The following WASF1 variants were observed in gnomAD, a reference collection of about 807,000 sequenced individuals.
WASF1 encodes WASP family member 1, also known as actin-binding protein WASF1.
In WASF1, 7 loss-of-function variants were observed where a neutral mutation model predicts 50.5. The ratio of observed to expected loss-of-function variants is 0.14; its 90% CI spans 0.08 to 0.26. The LOEUF (loss-of-function observed/expected upper bound fraction) is 0.26, where lower values mean the gene tolerates loss of function less well. Among genes scored for constraint, WASF1 ranks in the 10% least tolerant of loss-of-function variants. WASF1 has a pLI of 1.00. For missense variants in WASF1, 470 were observed against 694.7 expected (o/e 0.68, Z 3.64); for synonymous variants, 205 against 244.0 (o/e 0.84, Z 1.49).
At position 110,118,347 on chromosome 6, in the gene WASF1, C is replaced by CAAAAAAAAA. The variant is rs56948481; in HGVS notation, c.134-4896_134-4888dup. Among the ~76,000 whole-genome samples the CAAAAAAAAA allele has an allele frequency of 2.7e-4, 2 of 7,474 alleles. 1 individual carries two copies. The highest frequency in any genetic ancestry group is 5.1e-4 in the Non-Finnish European group (2 of 3,920). The allele number at this position is 7,474 out of a possible 152,430, so 4.9% of individuals were successfully genotyped here. On this transcript the variant is annotated intron_variant, in intron 4 of 10. Coordinates refer to ENST00000392589, the MANE Select transcript of WASF1 (RefSeq NM_003931.3). ...GAAGATCTACCAAGCAAACGGAAAG[C>CAAAAAAAAA]AAAAAAAAAAAAAAAAAAAAAAAAA...
chr6:110,127,702 A>C, intron 3 of WASF1, 73 bp from the exon 4 acceptor site: 3 of 1,319,112 alleles, frequency 2.3e-6, no homozygotes, highest in Non-Finnish European at 3.0e-6. Flanking sequence ...TTTTTCATTG[A>C]AGAATAAAGC....
intron 3 of WASF1, among the ~76,000 whole-genome samples, chr6:110,147,306 A>C (rs978467989): frequency 6.6e-6 from 1 of 150,946 alleles, no homozygotes; most frequent in Admixed American, 6.6e-5. Flanking sequence ...AGATCATGCC[A>C]CTGCACTCCA....
chr6:110,136,105 C>T (rs1324553979), intron 3 of WASF1, among the ~76,000 whole-genome samples: 3 of 151,646 alleles, frequency 2.0e-5, no homozygotes, highest in African/African-American at 7.3e-5. Context: ...AGGATGGTCT[C>T]GATCTCCTGA....
chr6:110,130,339 T>C (rs551344818), intron 3 of WASF1, among the ~76,000 whole-genome samples: 2 of 152,340 alleles, frequency 1.3e-5, no homozygotes, highest in East Asian at 1.9e-4. Flanking sequence ...CTTCCCATTC[T>C]TGCTTACCTC....
intron 3 of WASF1, among the ~76,000 whole-genome samples, chr6:110,143,470 A>T (rs1775357087): frequency 6.6e-6 from 1 of 151,998 alleles, no homozygotes; most frequent in South Asian, 2.1e-4. Context: ...ATTAAAAATA[A>T]CCCAAGATCA....
At position 110,100,402 on chromosome 6, in the gene WASF1, A is replaced by G. The variant is rs1773028869; in HGVS notation, c.*120T>C. 1.1e-6 allele frequency: 1 copy of G among 945,062 alleles called. No individual in the cohort carries two copies. Among genetic ancestry groups the G allele is most frequent in the South Asian group, 2.2e-5 (1 of 44,576 alleles). 58.5% of individuals were successfully genotyped at this position (945,062 alleles called of 1,614,324 possible). On this transcript the variant is annotated 3_prime_UTR_variant, in exon 11 of 11. Transcript: ENST00000392589. ...TTAGAAATCAAAAGTTATGGAGGAA[A>G]AGGGTCATTTATTATAAGGAAAAGA...
At chr6:110,125,432 G>A (rs1013855959) in intron 4 of WASF1, among the ~76,000 whole-genome samples, 2 of 152,090 alleles carry the variant, frequency 1.3e-5, no homozygotes, top group Non-Finnish European at 2.9e-5. Context: ...CTCCTCCCAT[G>A]CTTCCTCCTT....
In WASF1 at chr6:110,124,217, C is replaced by CTCTCTCT. The variant is rs1258259081; in HGVS notation, c.133+3251_133+3252insAGAGAGA. ...TCTCTCTCTCTCTCTCTCTCTCTCT[C>CTCTCTCT]CTCTCTCTCCTCTCTCTCCTCTCTC... On this transcript the variant is annotated intron_variant, in intron 4 of 10. Coordinates refer to ENST00000392589, the MANE Select transcript of WASF1 (RefSeq NM_003931.3). 1.2e-4 allele frequency among the ~76,000 whole-genome samples: 8 copies of CTCTCTCT among 66,114 alleles called. 1 individual carries two copies. Among genetic ancestry groups the CTCTCTCT allele is most frequent in the African/African-American group, 7.7e-4 (8 of 10,396 alleles). 43.4% of individuals were successfully genotyped at this position (66,114 alleles called of 152,430 possible).
chr6:110,126,692 T>C (rs1462283469), intron 4 of WASF1, among the ~76,000 whole-genome samples: 2 of 152,218 alleles, frequency 1.3e-5, no homozygotes, highest in Non-Finnish European at 2.9e-5. Context: ...TATCAATGTC[T>C]TATGAAAAAG....
At chr6:110,125,123 CAATT>C (rs1562170912) in intron 4 of WASF1, among the ~76,000 whole-genome samples, 2 of 152,142 alleles carry the variant, frequency 1.3e-5, no homozygotes, top group African/African-American at 4.8e-5. Context: ...TCTAATACAT[CAATT>C]GTTATTTTAA....
At chr6:110,144,952 G>T (rs542305332) in intron 3 of WASF1, among the ~76,000 whole-genome samples, 84 of 152,078 alleles carry the variant, frequency 5.5e-4, no homozygotes, top group African/African-American at 1.9e-3. Context: ...GCTCTTTTTT[G>T]GTTCCATATG....
intron 4 of WASF1, 146 bp from the exon 5 acceptor site, chr6:110,113,606 T>A: frequency 1.4e-6 from 1 of 733,440 alleles, no homozygotes; most frequent in Non-Finnish European, 2.1e-6. Context: ...ATATTACAAC[T>A]GGTGACCTGT....
At chr6:110,152,622 C>A (rs1002718215) in intron 3 of WASF1, among the ~76,000 whole-genome samples, 1 of 152,118 alleles carries the variant, frequency 6.6e-6, no homozygotes, top group African/African-American at 2.4e-5. Context: ...CCAGAGCCAA[C>A]AGAAAAGAAA....
At chr6:110,116,970 G>C (rs1217139766) in intron 4 of WASF1, among the ~76,000 whole-genome samples, 1 of 151,856 alleles carries the variant, frequency 6.6e-6, no homozygotes, top group African/African-American at 2.4e-5. Context: ...CTAACAAACA[G>C]AAGGGACATC....
Position 110,103,417 on chromosome 6 carries a change from T to C in WASF1, c.854A>G (p.His285Arg), listed in dbSNP as rs747495803. ...TATCGGTTTTGCATCTCCTGCTCCATGCATTGGTGGAGGTGGAGGTGGTTC... is the reference window on the plus strand; with the variant it reads ...TATCGGTTTTGCATCTCCTGCTCCACGCATTGGTGGAGGTGGAGGTGGTTC... Reference protein sequence around the residue: ...PHEPPPPPPMHGAGDAKPIPT... With the variant: ...PHEPPPPPPMRGAGDAKPIPT... The change falls in exon 9 of 11, where the codon CAT (histidine) becomes CGT (arginine). Residue 285 changes from histidine to arginine, a missense_variant. By Grantham distance (29) the His-to-Arg change is conservative (BLOSUM62 0). Transcript: ENST00000392589. 44 of 1,613,858 alleles carry C rather than the reference T, an allele frequency of 2.7e-5. No individual in the cohort carries two copies. Among genetic ancestry groups the C allele is most frequent in the Non-Finnish European group, 3.4e-5 (40 of 1,179,910 alleles).
At chr6:110,130,021 G>A (rs1023592998) in intron 3 of WASF1, among the ~76,000 whole-genome samples, 1 of 152,278 alleles carries the variant, frequency 6.6e-6, no homozygotes, top group East Asian at 1.9e-4. Context: ...GTTACTAAAG[G>A]AGACAATTTA....
rs557582168 is a variant in WASF1, at chr6:110,164,607, C to CTA, written c.-126-3877_-126-3876dup. Among the ~76,000 whole-genome samples, 230 of 151,694 alleles carry CTA rather than the reference C, an allele frequency of 1.5e-3. 1 individual carries two copies. Among genetic ancestry groups the CTA allele is most frequent in the Non-Finnish European group, 2.2e-3 (152 of 67,684 alleles). On this transcript the variant is annotated intron_variant, in intron 2 of 10. Coordinates refer to ENST00000392589, the MANE Select transcript of WASF1 (RefSeq NM_003931.3). ...GAGCAAGAAGAACTCTCATTCGCTG[C>CTA]TATTGAGAATGCATAATTGGAAGAC... is the stretch of plus-strand genomic sequence containing the variant.
intron 5 of WASF1, among the ~76,000 whole-genome samples, chr6:110,110,025 T>G (rs1356386556): frequency 6.6e-6 from 1 of 152,192 alleles, no homozygotes; most frequent in East Asian, 1.9e-4. Context: ...CTGCATGACC[T>G]GTAACACACT....
intron 3 of WASF1, among the ~76,000 whole-genome samples, chr6:110,129,713 C>A (rs1487509109): frequency 6.6e-6 from 1 of 152,180 alleles, no homozygotes; most frequent in African/African-American, 2.4e-5. Context: ...ACTGCTCAAA[C>A]TGCCTTTGAT....
Sources: allele counts gnomAD v4.1 joint callset (sites outside exome capture counted in the v4.1 genomes callset), GRCh38; gene constraint gnomAD v4.1.1; transcripts MANE v1.5; gene names NCBI Gene and HGNC (gene_info 2026-07-23, HGNC 2026-07-21).